Variants in AHNAK observed in about 807,000 individuals in gnomAD.
AHNAK encodes AHNAK nucleoprotein.
AHNAK carries 23 observed loss-of-function variants against 37.8 expected under a neutral mutation model. The observed-to-expected ratio is 0.61, with a 90% CI of 0.44 to 0.86. AHNAK has a LOEUF of 0.86. AHNAK is among the 40% of genes least tolerant of loss of function. AHNAK has a pLI of 0.00. For missense variants in AHNAK, 7,411 were observed against 7,319.4 expected (o/e 1.01, Z -0.46); for synonymous variants, 2,481 against 2,636.3 (o/e 0.94, Z 1.80).
chr11:62,504,204 A>G (rs979412407), intron 4 of AHNAK, among the ~76,000 whole-genome samples: 1 of 151,778 alleles, frequency 6.6e-6, no homozygotes, highest in South Asian at 2.1e-4. Context: ...GAAAGAAAGA[A>G]AGAGAGAGAG....
At chr11:62,452,851 C>T (rs1039002214) in intron 5 of AHNAK, among the ~76,000 whole-genome samples, 1 of 152,200 alleles carries the variant, frequency 6.6e-6, no homozygotes, top group South Asian at 2.1e-4. Context: ...ACGGTGAAAC[C>T]TTCTCTTTAC....
At chr11:62,441,211 A>T (rs994929058) in intron 5 of AHNAK, among the ~76,000 whole-genome samples, 2 of 151,842 alleles carry the variant, frequency 1.3e-5, no homozygotes, top group African/African-American at 4.8e-5. Context: ...CATGTTGGCC[A>T]GGCTAGTCTC....
chr11:62,438,181 C>CTT (rs777083537), intron 5 of AHNAK, among the ~76,000 whole-genome samples: 17 of 126,314 alleles, frequency 1.3e-4, no homozygotes, highest in East Asian at 5.4e-4. Flanking sequence ...TTCTTTCTCT[C>CTT]TTTTTTTTTT....
At chr11:62,461,143 C>CTTTTTT (rs71056521) in intron 5 of AHNAK, among the ~76,000 whole-genome samples, 5 of 79,836 alleles carry the variant, frequency 6.3e-5, no homozygotes, top group Non-Finnish European at 9.1e-5. Flanking sequence ...CCAAATTCCC[C>CTTTTTT]TTTTTTTTTT....
At chr11:62,502,509 T>C (rs1208136643) in intron 4 of AHNAK, among the ~76,000 whole-genome samples, 1 of 152,188 alleles carries the variant, frequency 6.6e-6, no homozygotes, top group Non-Finnish European at 1.5e-5. Flanking sequence ...TAAGATGGCT[T>C]ATCAAGTTTC....
chr11:62,538,789 G>A (rs566015864), intron 1 of AHNAK, among the ~76,000 whole-genome samples: 2 of 152,304 alleles, frequency 1.3e-5, no homozygotes, highest in African/African-American at 2.4e-5. Context: ...CGATTTTGCC[G>A]CAGAATATTC....
In AHNAK at chr11:62,476,703, G is replaced by A. The variant is rs138762392; in HGVS notation, c.442+15029C>T. ...ACGCAACAACAATGAACCATTTCTC[G>A]ATCAGATTGTGACGTGAGACAAAAA... On this transcript the variant is annotated intron_variant, in intron 5 of 5. Coordinates refer to the AHNAK transcript ENST00000257247. Among the ~76,000 whole-genome samples the A allele has an allele frequency of 2.4e-4, 37 of 152,178 alleles. No homozygotes were observed. In the East Asian group the frequency reaches 6.6e-3, roughly 27 times the overall value.
intron 4 of AHNAK, among the ~76,000 whole-genome samples, chr11:62,498,538 C>T (rs1483305067): frequency 1.3e-5 from 2 of 149,402 alleles, no homozygotes; most frequent in Non-Finnish European, 3.0e-5. Flanking sequence ...GTGGGAGGAT[C>T]GCTTGAGGCC....
chr11:62,451,736 C>CAAA (rs572246314), intron 5 of AHNAK, among the ~76,000 whole-genome samples: 7 of 113,392 alleles, frequency 6.2e-5, no homozygotes, highest in Admixed American at 1.0e-4. Context: ...GACTCCGTCT[C>CAAA]AAAAAAAAAA....
chr11:62,543,540 C>G (rs1191270439), intron 1 of AHNAK, among the ~76,000 whole-genome samples: 1 of 152,250 alleles, frequency 6.6e-6, no homozygotes, highest in African/African-American at 2.4e-5. Flanking sequence ...CTGCCAGCGA[C>G]AGCTCAGCCA....
chr11:62,531,724 T>C lies in AHNAK; in HGVS notation c.2693A>G (p.Asp898Gly). 6.2e-7 allele frequency: 1 copy of C among 1,614,138 alleles called. No individual in the cohort carries two copies. The highest frequency in any genetic ancestry group is 8.5e-7 in the Non-Finnish European group (1 of 1,180,026). Residue 898 changes from aspartate to glycine, a missense_variant, in exon 5 of 5, where the codon GAT becomes GGT. Asp to Gly is a moderately conservative substitution (Grantham distance 94). Transcript: ENST00000378024. ...CACATCAGCCTTGGGCAGGTTCACA[T>C]CCACTTCTGGGCCCTCTGCTTTGAA... is the stretch of plus-strand genomic sequence containing the variant. ...PGFKAEGPEV[D>G]VNLPKADVDI...
At position 62,523,861 on chromosome 11, in the gene AHNAK, A is replaced by G. The variant is rs776224734; in HGVS notation, c.10556T>C (p.Val3519Ala). The change falls in exon 5 of 5, where the codon GTG becomes GCG. Residue 3519 changes from valine (V) to alanine (A), a missense_variant. Transcript: ENST00000378024. The part of the protein sequence containing the change: ...SMNIEGPDLN[V>A]EGPEGGLKGP... ...TTTCAAGCCTCCCTCCGGACCTTCC[A>G]CATTGAGATCTGGGCCCTCAATGTT... The G allele has an allele frequency of 7.4e-6, 12 of 1,614,032 alleles. No homozygotes were observed. The highest frequency in any genetic ancestry group is 1.0e-5 in the Non-Finnish European group (12 of 1,180,018).
chr11:62,525,382 C>G lies in AHNAK; in HGVS notation c.9035G>C (p.Gly3012Ala). 1 of 1,610,708 alleles carries G rather than the reference C, an allele frequency of 6.2e-7. No individual in the cohort carries two copies. The highest frequency in any genetic ancestry group is 1.1e-5 in the South Asian group (1 of 90,916). ...PQVDIDVPDVGVQGPDWHLKM... is the reference protein window; with the variant it reads ...PQVDIDVPDVAVQGPDWHLKM... ...TAGGTGCCAGTCTGGGCCTTGAACG[C>G]CCACATCCGGGACATCAATGTCCAC... is the stretch of plus-strand genomic sequence containing the variant. Residue 3012 changes from glycine to alanine, a missense_variant, in exon 5 of 5, where the codon GGC becomes GCC. Coordinates refer to ENST00000378024, the MANE Select transcript of AHNAK (RefSeq NM_001620.3).
intron 5 of AHNAK, among the ~76,000 whole-genome samples, chr11:62,439,983 G>A (rs1938268943): frequency 6.6e-6 from 1 of 152,116 alleles, no homozygotes; most frequent in Admixed American, 6.6e-5. Context: ...TGTCTTTTAA[G>A]TCTCTCCTCT....
chr11:62,448,812 A>G (rs999120971), intron 5 of AHNAK, among the ~76,000 whole-genome samples: 5 of 152,306 alleles, frequency 3.3e-5, no homozygotes, highest in South Asian at 4.1e-4. Context: ...GCTCACGCCT[A>G]TAATCCCAGC....
intron 5 of AHNAK, among the ~76,000 whole-genome samples, chr11:62,465,342 T>C (rs562709022): frequency 1.0e-3 from 155 of 152,234 alleles, no homozygotes; most frequent in African/African-American, 2.4e-3. Flanking sequence ...TCGCTGGGCA[T>C]GGTGGCTCAC....
chr11:62,444,047 C>T (rs1047689805), intron 5 of AHNAK, among the ~76,000 whole-genome samples: 5 of 152,206 alleles, frequency 3.3e-5, no homozygotes, highest in Admixed American at 2.0e-4. Context: ...ACGATGGACA[C>T]TCCGGGGAGT....
chr11:62,532,561 G>A lies in AHNAK; in HGVS notation c.1856C>T (p.Ala619Val), dbSNP rs1211319203. The A allele has an allele frequency of 3.1e-6, 5 of 1,613,990 alleles. No individual in the cohort carries two copies. The highest frequency in any genetic ancestry group is 1.1e-5 in the South Asian group (1 of 91,058). The change falls in exon 5 of 5, where the codon GCG (alanine) becomes GTG (valine). Residue 619 changes from alanine to valine, a missense_variant. Transcript: ENST00000378024. Reference sequence around the variant, plus strand: ...TTTCAGGTTCCATTCTGGGCCATGCGCTTCGACATCTGGGGCACTGACATC... The same window carrying A: ...TTTCAGGTTCCATTCTGGGCCATGCACTTCGACATCTGGGGCACTGACATC... ...KVDVSAPDVE[A>V]HGPEWNLKMP...
intron 5 of AHNAK, among the ~76,000 whole-genome samples, chr11:62,469,121 A>G (rs1470561124): frequency 1.3e-5 from 2 of 151,662 alleles, no homozygotes; most frequent in African/African-American, 4.8e-5. Context: ...GGATCTCCTG[A>G]TTTCCTTTTT....
Sources: gnomAD v4.1 joint callset for allele counts (sites outside exome capture counted in the v4.1 genomes callset) on GRCh38, gnomAD v4.1.1 for gene constraint, MANE v1.5 for transcripts, NCBI Gene and HGNC (gene_info 2026-07-23, HGNC 2026-07-21) for gene names.